SGSM3: variants seen among roughly 807,000 people sequenced by gnomAD.
SGSM3 encodes RUN and SH3 containing 3.
A neutral mutation model predicts 100.5 loss-of-function variants in SGSM3; 96 were observed. The observed-to-expected ratio is 0.96, with a 90% CI of 0.81 to 1.13. The LOEUF (loss-of-function observed/expected upper bound fraction) is 1.13. Among genes scored for constraint, SGSM3 ranks in the 50% most tolerant of loss-of-function variants. SGSM3 has a pLI of 0.00. For synonymous variants in SGSM3, 483 were observed against 422.8 expected, an observed-to-expected ratio of 1.14 and a Z score of -1.75; for missense variants, 1,001 against 1,015.8, an observed-to-expected ratio of 0.99 and a Z score of 0.20.
chr22:40,374,296 T>C (rs1056757867), intron 1 of SGSM3, among the ~76,000 whole-genome samples: 7 of 152,176 alleles, frequency 4.6e-5, no homozygotes, highest in Non-Finnish European at 1.5e-5. Flanking sequence ...AGGAACACTT[T>C]ATTGTGAAGA....
chr22:40,393,652 GCTGT>G (rs1190053420), intron 1 of SGSM3, among the ~76,000 whole-genome samples: 1 of 152,188 alleles, frequency 6.6e-6, no homozygotes. Context: ...GTTTTGTGCT[GCTGT>G]AACAGAATAT....
chr22:40,409,901 C>T lies in SGSM3; in HGVS notation c.*142C>T, dbSNP rs2052367307. 7.0e-7 allele frequency: 1 copy of T among 1,420,686 alleles called. No individual in the cohort carries two copies. The highest frequency in any genetic ancestry group is 3.0e-5 in the Admixed American group (1 of 33,794). The allele number at this position is 1,420,686 out of a possible 1,614,324, so 88.0% of individuals were successfully genotyped here. Reference sequence around the variant, plus strand: ...TCAGGCTGCCCCACTCCACGTTCCCCAGCACATCCCAGGTGGTGGGAGCAG... The same window carrying T: ...TCAGGCTGCCCCACTCCACGTTCCCTAGCACATCCCAGGTGGTGGGAGCAG... On this transcript the variant is annotated 3_prime_UTR_variant, in exon 22 of 22. Transcript: ENST00000248929.
In SGSM3 at chr22:40,406,653, C is replaced by A; in HGVS notation, c.1176C>A (p.Asn392Lys). The change falls in exon 10 of 22, where the codon AAC (asparagine) becomes AAA (lysine). Residue 392 changes from asparagine (N) to lysine (K), a missense_variant. By Grantham distance (94) the Asn-to-Lys change is moderately conservative (BLOSUM62 0). Coordinates refer to ENST00000248929, the MANE Select transcript of SGSM3 (RefSeq NM_015705.6). Reference sequence around the variant, plus strand: ...TCCTGGGGGCCGGCACCCTCACCAACCTCTCTCAGGTGGCCCAGGATGGGG... The same window carrying A: ...TCCTGGGGGCCGGCACCCTCACCAAACTCTCTCAGGTGGCCCAGGATGGGG... ...GQLLGAGTLT[N>K]LSQVVRRRTQ... is the part of the protein sequence containing the mutation. 6.2e-7 allele frequency: 1 copy of A among 1,607,214 alleles called. No homozygotes were observed. The highest frequency in any genetic ancestry group is 8.5e-7 in the Non-Finnish European group (1 of 1,175,714).
chr22:40,407,320 T>G lies in SGSM3; in HGVS notation c.1360T>G (p.Cys454Gly), dbSNP rs770667828. Residue 454 changes from cysteine to glycine, a missense_variant, in exon 12 of 22, where the codon TGC (cysteine) becomes GGC (glycine). Coordinates refer to ENST00000248929, the MANE Select transcript of SGSM3 (RefSeq NM_015705.6). This position sits in a 1 kb window ranked among gnomAD's most constrained non-coding sequence, Gnocchi z 4.7. Reference sequence around the variant, plus strand: ...CTTCCAGTGCACAGACCCCAAAAACTGCAGCGTGGTGAGTCGCCAGCTCCC... The same window carrying G: ...CTTCCAGTGCACAGACCCCAAAAACGGCAGCGTGGTGAGTCGCCAGCTCCC... ...RHFQCTDPKN[C>G]SVELTPDYSM... 6.2e-7 allele frequency: 1 copy of G among 1,613,426 alleles called. No individual in the cohort carries two copies.
chr22:40,394,447 A>C (rs888376414), intron 1 of SGSM3, among the ~76,000 whole-genome samples: 8 of 152,114 alleles, frequency 5.3e-5, no homozygotes, highest in African/African-American at 1.9e-4. Flanking sequence ...GGAGTTCGAG[A>C]CCAGCCTGGC....
chr22:40,381,050 C>G (rs967290188), intron 1 of SGSM3, among the ~76,000 whole-genome samples: 1 of 152,126 alleles, frequency 6.6e-6, no homozygotes, highest in African/African-American at 2.4e-5. Flanking sequence ...AATGGTTTAG[C>G]ATGATATTGG....
chr22:40,406,940 G>GAC, intron 10 of SGSM3, 77 bp from the exon 11 acceptor site: 1 of 1,380,088 alleles, frequency 7.2e-7, no homozygotes, highest in Non-Finnish European at 1.0e-6. Context: ...TTTCAGATGA[G>GAC]ACAGTATAAG....
chr22:40,409,759 AC>A lies in SGSM3; in HGVS notation c.*5del. ...TCTTCAGCTGGGATGTGGACGGGTG[AC>A]CCCCTCCTCCCCAGCCCAACCTCGG... On this transcript the variant is annotated 3_prime_UTR_variant, in exon 22 of 22. Transcript: ENST00000248929. 4.4e-6 allele frequency: 7 copies of A among 1,602,646 alleles called. No individual in the cohort carries two copies. The highest frequency in any genetic ancestry group is 5.1e-6 in the Non-Finnish European group (6 of 1,177,400).
chr22:40,404,235 C>G lies in SGSM3; in HGVS notation c.158-12C>G, dbSNP rs760642874. ...AATGCTTTTTCTTTCCTCCTTGGCT[C>G]TCTCTTGGCAGAAGGTGATGAGCCT... On this transcript the variant is annotated splice_polypyrimidine_tract_variant and intron_variant, in intron 4 of 21. Transcript: ENST00000248929. 1 of 1,505,780 alleles carries G rather than the reference C, an allele frequency of 6.6e-7. No individual in the cohort carries two copies. The highest frequency in any genetic ancestry group is 2.3e-5 in the East Asian group (1 of 43,426). 93.3% of individuals were successfully genotyped at this position (1,505,780 alleles called of 1,614,324 possible).
intron 1 of SGSM3, chr22:40,387,069 T>C: frequency 2.5e-6 from 1 of 393,988 alleles, no homozygotes; most frequent in East Asian, 3.6e-5. Context: ...GTCTGCAAAG[T>C]TGATAACTAG....
intron 1 of SGSM3, among the ~76,000 whole-genome samples, chr22:40,372,051 G>A (rs561422255): frequency 4.0e-5 from 6 of 149,416 alleles, no homozygotes; most frequent in African/African-American, 7.4e-5. Context: ...ATAATCCTAA[G>A]TGAATGTAGC....
chr22:40,404,278 G>T lies in SGSM3; in HGVS notation c.189G>T (p.Ala63=). Residue 63 remains alanine (A), a synonymous_variant, in exon 5 of 22, where the codon GCG becomes GCT. Transcript: ENST00000248929. Reference sequence around the variant, plus strand: ...ATGAGCCTGGCTCCAGTCTGCTGGCGAACTCCCCTCTGATGGAGGATGCTC... The same window carrying T: ...ATGAGCCTGGCTCCAGTCTGCTGGCTAACTCCCCTCTGATGGAGGATGCTC... ...EGDEPGSSLL[A]NSPLMEDAPQ... is the part of the protein sequence containing the mutation. The T allele has an allele frequency of 6.6e-7, 1 of 1,521,066 alleles. No individual in the cohort carries two copies. The highest frequency in any genetic ancestry group is 8.8e-7 in the Non-Finnish European group (1 of 1,133,976). The allele number at this position is 1,521,066 out of a possible 1,614,324, so 94.2% of individuals were successfully genotyped here.
intron 1 of SGSM3, chr22:40,372,638 G>A (rs1188882697): frequency 6.6e-6 from 1 of 152,206 alleles, no homozygotes; most frequent in Non-Finnish European, 1.5e-5. Flanking sequence ...GAACCTCACA[G>A]AAATGAACCC....
Position 40,408,296 on chromosome 22 carries a change from ACTCG to A in SGSM3, c.1650_1653del (p.Asp550GlufsTer2), listed in dbSNP as rs2051952058. 1 of 1,613,168 alleles carries A rather than the reference ACTCG, an allele frequency of 6.2e-7. No homozygotes were observed. Among genetic ancestry groups the A allele is most frequent in the Non-Finnish European group, 8.5e-7 (1 of 1,179,924 alleles). On this transcript the variant is annotated frameshift_variant, in exon 16 of 22. Coordinates refer to ENST00000248929, the MANE Select transcript of SGSM3 (RefSeq NM_015705.6). LOFTEE classifies it high-confidence loss of function. ...CATCAGTACTCCATCGCGGGGGATG[ACTCG>A]GTGACGGAGGGGGTCACAGACCTCG...
At chr22:40,371,176 G>C (rs558774841) in intron 1 of SGSM3, among the ~76,000 whole-genome samples, 2 of 152,250 alleles carry the variant, frequency 1.3e-5, no homozygotes, top group Non-Finnish European at 2.9e-5. Context: ...CGGAACACCG[G>C]TGTGTTTGCA....
intron 1 of SGSM3, among the ~76,000 whole-genome samples, chr22:40,391,588 G>A (rs74642997): frequency 0.023 from 3,471 of 152,246 alleles, 129 homozygotes; most frequent in African/African-American, 0.08. Context: ...TCCAGCCTGG[G>A]CAACAGAGTG....
chr22:40,373,976 T>C (rs1034106958), intron 1 of SGSM3, among the ~76,000 whole-genome samples: 2 of 149,638 alleles, frequency 1.3e-5, no homozygotes, highest in African/African-American at 5.0e-5. Context: ...TGAGACGGAG[T>C]CTCCCTCTGT....
At chr22:40,405,927 C>T in intron 8 of SGSM3, 83 bp downstream of exon 8, 1 of 1,489,836 alleles carries the variant, frequency 6.7e-7, no homozygotes, top group Non-Finnish European at 9.1e-7. Context: ...GGGCACAGCC[C>T]CCCAACCATG....
chr22:40,384,555 C>T (rs1042045700), intron 1 of SGSM3, among the ~76,000 whole-genome samples: 2 of 152,214 alleles, frequency 1.3e-5, no homozygotes, highest in South Asian at 4.1e-4. Flanking sequence ...CCAAGGTGGG[C>T]GGATCACGAG....
Sources: allele counts gnomAD v4.1 joint callset (sites outside exome capture counted in the v4.1 genomes callset), GRCh38; gene constraint gnomAD v4.1.1; non-coding constraint Gnocchi (gnomAD v3.1); transcripts MANE v1.5; gene names NCBI Gene and HGNC (gene_info 2026-07-23, HGNC 2026-07-21).